Variants in CNTN5 observed in about 807,000 individuals in gnomAD.
CNTN5 encodes contactin-5.
Under a neutral mutation model 129.1 loss-of-function variants are expected in CNTN5, and 77 were observed. The observed-to-expected ratio is 0.60, with a 90% CI of 0.50 to 0.72. The LOEUF (loss-of-function observed/expected upper bound fraction) is 0.72, where lower values mean the gene tolerates loss of function less well. Ranked by LOEUF, CNTN5 falls within the 30% of genes least tolerant of loss-of-function variation. The pLI, the probability that CNTN5 is intolerant of heterozygous loss-of-function variation, is 0.00. For missense variants in CNTN5, 1,478 were observed against 1,328.8 expected, an observed-to-expected ratio of 1.11 and a Z score of -1.75; for synonymous variants, 509 against 465.6, an observed-to-expected ratio of 1.09 and a Z score of -1.20.
chr11:99,622,881 A>C (rs772777042), intron 3 of CNTN5, among the ~76,000 whole-genome samples: 9 of 152,006 alleles, frequency 5.9e-5, no homozygotes, highest in African/African-American at 9.7e-5. Flanking sequence ...TTTTCAAAAA[A>C]TTTTAATGGC....
chr11:99,448,028 GA>G (rs1230928011), intron 2 of CNTN5, among the ~76,000 whole-genome samples: 2 of 152,094 alleles, frequency 1.3e-5, no homozygotes, highest in African/African-American at 4.8e-5. Flanking sequence ...TGATTTGCTT[GA>G]ATAAATTATT....
At chr11:99,393,443 C>T (rs1464062180) in intron 2 of CNTN5, among the ~76,000 whole-genome samples, 1 of 151,748 alleles carries the variant, frequency 6.6e-6, no homozygotes, top group African/African-American at 2.4e-5. Flanking sequence ...TGTTTATTCT[C>T]ACAACTGTAT....
At chr11:99,044,838 G>T (rs569984796) in intron 1 of CNTN5, among the ~76,000 whole-genome samples, 3 of 151,986 alleles carry the variant, frequency 2.0e-5, no homozygotes, top group South Asian at 4.2e-4. Flanking sequence ...AATTTTACAC[G>T]GTCTCTCTAC....
chr11:99,462,360 C>CTTTTTTTTTTTT (rs72276833), intron 2 of CNTN5, among the ~76,000 whole-genome samples: 48 of 125,276 alleles, frequency 3.8e-4, no homozygotes, highest in Middle Eastern at 4.3e-3. Flanking sequence ...CTTTTCTTTT[C>CTTTTTTTTTTTT]TTTTTTTTTT....
chr11:99,060,150 G>T lies in CNTN5; in HGVS notation c.-210+38880G>T, dbSNP rs555325381. Among the ~76,000 whole-genome samples, 3 of 152,082 alleles carry T rather than the reference G, an allele frequency of 2.0e-5. No individual in the cohort carries two copies. In the South Asian group the frequency reaches 6.2e-4, roughly 32 times the overall value. On this transcript the variant is annotated intron_variant, in intron 1 of 24. Coordinates refer to ENST00000524871, the MANE Select transcript of CNTN5 (RefSeq NM_014361.4). ...TTACATATTATACCAGTAAATGTGG[G>T]TATGTATGGGCCTGTAAATAAGCTG...
At chr11:99,467,295 C>T (rs757878852) in intron 2 of CNTN5, among the ~76,000 whole-genome samples, 2 of 152,026 alleles carry the variant, frequency 1.3e-5, no homozygotes, top group Non-Finnish European at 2.9e-5. Flanking sequence ...AAATGCTATC[C>T]TGCAGTTTTT....
chr11:100,286,011 T>C (rs1950778072), intron 18 of CNTN5, among the ~76,000 whole-genome samples: 1 of 152,082 alleles, frequency 6.6e-6, no homozygotes, highest in South Asian at 2.1e-4. Context: ...ACCTGGAAAA[T>C]CGGGTCACTC....
chr11:99,480,623 C>A (rs1352952133), intron 2 of CNTN5, among the ~76,000 whole-genome samples: 1 of 152,154 alleles, frequency 6.6e-6, no homozygotes, highest in Admixed American at 6.6e-5. Context: ...ACAATCTTTG[C>A]TTTACAACCT....
chr11:99,773,220 T>C (rs1388088963), intron 3 of CNTN5, among the ~76,000 whole-genome samples: 6 of 152,130 alleles, frequency 3.9e-5, no homozygotes, highest in Non-Finnish European at 8.8e-5. Context: ...TTATCAAAGA[T>C]AACAAGGTTA....
intron 3 of CNTN5, among the ~76,000 whole-genome samples, chr11:99,627,047 A>G (rs1591381829): frequency 6.6e-6 from 1 of 152,050 alleles, no homozygotes; most frequent in South Asian, 2.1e-4. Context: ...AGAAACATTC[A>G]AGGCTTGGAA....
chr11:99,814,594 G>A (rs1193130895), intron 3 of CNTN5, among the ~76,000 whole-genome samples: 2 of 152,134 alleles, frequency 1.3e-5, no homozygotes, highest in Non-Finnish European at 2.9e-5. Flanking sequence ...ACAGTCCAGG[G>A]TGAAGAGCAG....
At chr11:99,638,892 G>A (rs2135832277) in intron 3 of CNTN5, among the ~76,000 whole-genome samples, 1 of 152,228 alleles carries the variant, frequency 6.6e-6, no homozygotes. Flanking sequence ...TACTGTTCTG[G>A]GGTCTGGAAG....
In CNTN5 at chr11:99,949,905, G is replaced by A. The variant is rs547404909; in HGVS notation, c.674-6901G>A. On this transcript the variant is annotated intron_variant, in intron 7 of 24. Transcript: ENST00000524871. ...ATACATATTATTTTATTTATCTTAT[G>A]TTTTTCTAAAGGTGTTTTGAATTAA... is the stretch of plus-strand genomic sequence containing the variant. 4.6e-5 allele frequency among the ~76,000 whole-genome samples: 7 copies of A among 152,064 alleles called. No individual in the cohort carries two copies. The South Asian group carries it at 1.5e-3, about 32-fold the overall frequency.
chr11:99,470,526 A>G (rs1273773684), intron 2 of CNTN5, among the ~76,000 whole-genome samples: 1 of 152,130 alleles, frequency 6.6e-6, no homozygotes, highest in Non-Finnish European at 1.5e-5. Flanking sequence ...CCCTTTCTCT[A>G]CACTGGTTCT....
At chr11:99,791,792 T>A (rs780728678) in intron 3 of CNTN5, among the ~76,000 whole-genome samples, 15 of 152,156 alleles carry the variant, frequency 9.9e-5, no homozygotes, top group Non-Finnish European at 1.2e-4. Flanking sequence ...AGAGCAGTGT[T>A]TTGTAGTTGC....
intron 3 of CNTN5, among the ~76,000 whole-genome samples, chr11:99,808,318 G>A (rs918032812): frequency 6.6e-6 from 1 of 151,316 alleles, no homozygotes; most frequent in East Asian, 2.0e-4. Context: ...TTCAATTTAA[G>A]TAACTGGACT....
intron 13 of CNTN5, among the ~76,000 whole-genome samples, chr11:100,108,271 A>C (rs1945523551): frequency 6.6e-6 from 1 of 152,114 alleles, no homozygotes; most frequent in Non-Finnish European, 1.5e-5. Context: ...ATAGCAAAAG[A>C]ATGCATAAAA....
chr11:99,688,293 C>G (rs557251820), intron 3 of CNTN5, among the ~76,000 whole-genome samples: 1 of 152,122 alleles, frequency 6.6e-6, no homozygotes, highest in South Asian at 2.1e-4. Context: ...TTTCCCATCT[C>G]GGTCTCCCAA....
intron 21 of CNTN5, among the ~76,000 whole-genome samples, chr11:100,317,856 C>T (rs1176562499): frequency 1.3e-5 from 2 of 152,034 alleles, no homozygotes; most frequent in East Asian, 1.9e-4. Flanking sequence ...TTGACACAAA[C>T]CATTTTAAGA....
Sources: allele counts gnomAD v4.1 joint callset (sites outside exome capture counted in the v4.1 genomes callset), GRCh38; gene constraint gnomAD v4.1.1; transcripts MANE v1.5; gene names NCBI Gene and HGNC (gene_info 2026-07-23, HGNC 2026-07-21).